Variants in TAFA1 observed in about 807,000 individuals in gnomAD.
TAFA1 encodes the protein chemokine-like protein TAFA-1.
TAFA1 carries 4 observed loss-of-function variants against 18.5 expected under a neutral mutation model. The observed-to-expected ratio is 0.22, with a 90% CI of 0.11 to 0.49. The LOEUF is 0.49. Ranked by LOEUF, TAFA1 falls within the 20% of genes least tolerant of loss-of-function variation. The pLI is 0.98. For synonymous variants in TAFA1, 56 were observed against 55.2 expected, an observed-to-expected ratio of 1.01 and a Z score of -0.06; for missense variants, 147 against 169.0, an observed-to-expected ratio of 0.87 and a Z score of 0.72.
At chr3:68,392,156 G>A (rs982776887) in intron 2 of TAFA1, among the ~76,000 whole-genome samples, 4 of 140,076 alleles carry the variant, frequency 2.9e-5, no homozygotes, top group African/African-American at 1.1e-4. Context: ...AATAAAGGGA[G>A]GGAGGAATAT....
At chr3:68,230,948 AT>A (rs959640423) in intron 2 of TAFA1, among the ~76,000 whole-genome samples, 1 of 152,200 alleles carries the variant, frequency 6.6e-6, no homozygotes, top group African/African-American at 2.4e-5. Flanking sequence ...TCTTTTGCCC[AT>A]TTTTCAAACA....
chr3:68,137,134 T>C (rs2065617307), intron 2 of TAFA1, among the ~76,000 whole-genome samples: 1 of 152,156 alleles, frequency 6.6e-6, no homozygotes, highest in Non-Finnish European at 1.5e-5. Context: ...AAAATCTCTC[T>C]CCTGTTGTCA....
intron 2 of TAFA1, among the ~76,000 whole-genome samples, chr3:68,010,193 A>G (rs1704443068): frequency 1.3e-5 from 2 of 152,252 alleles, no homozygotes; most frequent in South Asian, 4.2e-4. Context: ...CTGCTTCCTC[A>G]CCTGCTTAGG....
Position 68,544,583 on chromosome 3 carries a change from C to A in TAFA1, c.*80C>A. 1.4e-6 allele frequency: 2 copies of A among 1,416,740 alleles called. No homozygotes were observed. The highest frequency in any genetic ancestry group is 2.0e-6 in the Non-Finnish European group (2 of 1,008,332). The allele number at this position is 1,416,740 out of a possible 1,614,324, so 87.8% of individuals were successfully genotyped here. On this transcript the variant is annotated 3_prime_UTR_variant, in exon 5 of 5. Coordinates refer to ENST00000478136, the MANE Select transcript of TAFA1 (RefSeq NM_213609.4). ...GAATCTCAAACATCTCACATATATACAAGCCAAATGGATTTCTTACTTGCA... is the reference window on the plus strand; with the variant it reads ...GAATCTCAAACATCTCACATATATAAAAGCCAAATGGATTTCTTACTTGCA...
At chr3:68,392,137 T>C (rs1190507291) in intron 2 of TAFA1, among the ~76,000 whole-genome samples, 1 of 113,536 alleles carries the variant, frequency 8.8e-6, no homozygotes, top group Non-Finnish European at 1.7e-5. Context: ...AAGACACACA[T>C]AGGCTCAAAA....
intron 2 of TAFA1, among the ~76,000 whole-genome samples, chr3:68,291,157 T>C (rs767383878): frequency 6.6e-6 from 1 of 152,178 alleles, no homozygotes; most frequent in Non-Finnish European, 1.5e-5. Flanking sequence ...GACAGCAACA[T>C]GGACTCAATA....
chr3:68,103,243 T>C (rs940332533), intron 2 of TAFA1, among the ~76,000 whole-genome samples: 59 of 152,254 alleles, frequency 3.9e-4, no homozygotes, highest in African/African-American at 1.4e-3. Flanking sequence ...TGGTTAGAAC[T>C]GTTAATTCCC....
chr3:68,485,847 A>G (rs1294807161), intron 3 of TAFA1, among the ~76,000 whole-genome samples: 12 of 152,216 alleles, frequency 7.9e-5, no homozygotes, highest in Admixed American at 7.9e-4. Context: ...GTTTGGGATC[A>G]TTGACTATCT....
At position 68,013,423 on chromosome 3, in the gene TAFA1, A is replaced by C. The variant is rs573284404; in HGVS notation, c.118+6679A>C. On this transcript the variant is annotated intron_variant, in intron 2 of 4. Transcript: ENST00000478136. ...CAATTTTGACAGCTACTCCATTCAA[A>C]ATAATTCAAAGACTATACTTACAAA... 9.2e-5 allele frequency among the ~76,000 whole-genome samples: 14 copies of C among 152,314 alleles called. No homozygotes were observed. The South Asian group carries it at 2.9e-3, about 32-fold the overall frequency.
chr3:68,200,018 A>T (rs1051090870), intron 2 of TAFA1, among the ~76,000 whole-genome samples: 1 of 151,540 alleles, frequency 6.6e-6, no homozygotes, highest in Non-Finnish European at 1.5e-5. Flanking sequence ...TTTAAAATCA[A>T]TTTCTAGTTT....
At chr3:68,224,488 T>C (rs888842342) in intron 2 of TAFA1, among the ~76,000 whole-genome samples, 2 of 152,232 alleles carry the variant, frequency 1.3e-5, no homozygotes, top group Non-Finnish European at 2.9e-5. Flanking sequence ...TGGCAAACTT[T>C]TTGGCTTTCT....
intron 2 of TAFA1, among the ~76,000 whole-genome samples, chr3:68,355,141 C>T (rs1277024478): frequency 6.6e-6 from 1 of 151,904 alleles, no homozygotes; most frequent in Non-Finnish European, 1.5e-5. Context: ...CTGCAAAAAA[C>T]TGTGAGGGTC....
At chr3:68,383,719 C>G (rs1435839089) in intron 2 of TAFA1, among the ~76,000 whole-genome samples, 2 of 151,948 alleles carry the variant, frequency 1.3e-5, no homozygotes, top group African/African-American at 4.8e-5. Flanking sequence ...GGAGGAGTCC[C>G]TCTTCAATTT....
chr3:68,187,876 C>T (rs1335855319), intron 2 of TAFA1, among the ~76,000 whole-genome samples: 1 of 151,944 alleles, frequency 6.6e-6, no homozygotes, highest in Non-Finnish European at 1.5e-5. Flanking sequence ...ATTATGGTAG[C>T]ATTGCGGCTT....
intron 2 of TAFA1, among the ~76,000 whole-genome samples, chr3:68,318,185 T>G (rs1351011866): frequency 6.6e-6 from 1 of 152,198 alleles, no homozygotes; most frequent in East Asian, 1.9e-4. Context: ...GAGACTGATT[T>G]AGCTCTCTGG....
At chr3:68,333,792 A>G (rs2068922848) in intron 2 of TAFA1, among the ~76,000 whole-genome samples, 1 of 152,202 alleles carries the variant, frequency 6.6e-6, no homozygotes, top group African/African-American at 2.4e-5. Context: ...TCATTAATGA[A>G]TGAATGAAGA....
intron 3 of TAFA1, among the ~76,000 whole-genome samples, chr3:68,506,472 GACAC>G (rs55813351): frequency 1.1e-4 from 17 of 150,740 alleles, no homozygotes; most frequent in African/African-American, 2.7e-4. Context: ...CACACACAGA[GACAC>G]ACACACACAC....
At chr3:68,543,948 C>G (rs1025410268) in intron 4 of TAFA1, among the ~76,000 whole-genome samples, 1 of 152,036 alleles carries the variant, frequency 6.6e-6, no homozygotes, top group Non-Finnish European at 1.5e-5. Flanking sequence ...ACCTTGACAA[C>G]GACCTCACCT....
chr3:68,456,800 A>G (rs531714600), intron 3 of TAFA1, among the ~76,000 whole-genome samples: 32 of 152,238 alleles, frequency 2.1e-4, no homozygotes, highest in African/African-American at 7.5e-4. Flanking sequence ...CTTTTTTTAC[A>G]ATGGTCCTTA....
Sources: gnomAD v4.1 joint callset for allele counts (sites outside exome capture counted in the v4.1 genomes callset) on GRCh38, gnomAD v4.1.1 for gene constraint, MANE v1.5 for transcripts, NCBI Gene and HGNC (gene_info 2026-07-23, HGNC 2026-07-21) for gene names.